Variants in ASXL2 observed in about 807,000 individuals in gnomAD.
ASXL2 encodes ASXL transcriptional regulator 2, also known as putative Polycomb group protein ASXL2.
Under a neutral mutation model 122.0 loss-of-function variants are expected in ASXL2, and 23 were observed. The ratio of observed to expected loss-of-function variants is 0.19; its 90% CI spans 0.14 to 0.27. The LOEUF is 0.27. Among genes scored for constraint, ASXL2 ranks in the 10% least tolerant of loss-of-function variants. The pLI, the probability that ASXL2 is intolerant of heterozygous loss-of-function variation, is 1.00. For synonymous variants in ASXL2, 650 were observed against 637.0 expected (o/e 1.02, Z -0.31); for missense variants, 1,518 against 1,713.8 (o/e 0.89, Z 2.02).
intron 3 of ASXL2, among the ~76,000 whole-genome samples, chr2:25,825,233 A>G (rs1198668470): frequency 1.3e-5 from 2 of 152,238 alleles, no homozygotes; most frequent in African/African-American, 2.4e-5. Flanking sequence ...TCCTACTAAT[A>G]TAACAAGATG....
chr2:25,744,011 T>G lies in ASXL2; in HGVS notation c.2326A>C (p.Thr776Pro), dbSNP rs1574390972. Residue 776 changes from threonine to proline, a missense_variant, in exon 13 of 13, where the codon ACC (threonine) becomes CCC (proline). This residue lies in a region of ASXL2 where 831 missense variants were observed against 833.1 expected (regional missense o/e 1.00). Coordinates refer to ENST00000435504, the MANE Select transcript of ASXL2 (RefSeq NM_018263.6). The surrounding 1 kb of genome is among the most constrained non-coding windows in gnomAD (Gnocchi z 4.7). ...HSVSGAQLQQ[T>P]PPVPPTPAVS... Reference sequence around the variant, plus strand: ...GCAGGTGTTGGAGGCACTGGGGGGGTTTGCTGTAGTTGTGCTCCAGAGACA... The same window carrying G: ...GCAGGTGTTGGAGGCACTGGGGGGGGTTGCTGTAGTTGTGCTCCAGAGACA... 8.1e-6 allele frequency: 13 copies of G among 1,613,036 alleles called. No homozygotes were observed. The highest frequency in any genetic ancestry group is 1.0e-5 in the Non-Finnish European group (12 of 1,179,712).
rs2088009524 is a variant in ASXL2, at chr2:25,749,860, G to A, written c.1696C>T (p.Leu566Phe). Reference protein sequence around the residue: ...ATLVDQSPESLKRKSSLTQEE... With the variant: ...ATLVDQSPESFKRKSSLTQEE... ...TGGGTGAGGGAAGACTTCCTCTTGA[G>A]GCTTTCTGGGCTCTGATCAACAAGA... The change falls in exon 12 of 13, where the codon CTC becomes TTC. Residue 566 changes from leucine to phenylalanine, a missense_variant. By Grantham distance (22) the Leu-to-Phe change is conservative (BLOSUM62 0). Transcript: ENST00000435504. 1 of 1,610,028 alleles carries A rather than the reference G, an allele frequency of 6.2e-7. No individual in the cohort carries two copies. The highest frequency in any genetic ancestry group is 1.7e-5 in the Admixed American group (1 of 59,120).
At position 25,749,904 on chromosome 2, in the gene ASXL2, A is replaced by C. The variant is rs1183886814; in HGVS notation, c.1652T>G (p.Met551Arg). The change falls in exon 12 of 13, where the codon ATG (methionine) becomes AGG (arginine). Residue 551 changes from methionine (M) to arginine (R), a missense_variant. Physicochemically the swap from Met to Arg is moderately conservative, Grantham distance 91. This residue lies in a region of ASXL2 where 292 missense variants were observed against 293.5 expected (regional missense o/e 1.00). Transcript: ENST00000435504. ...TAGAGPQETN[M>R]KEPLATLVDQ... ...AACAAGAGTTGCTAGAGGTTCTTTC[A>C]TATTAGTCTCCTGTGGACCCGCTCC... The C allele has an allele frequency of 6.2e-7, 1 of 1,612,560 alleles. No homozygotes were observed. The highest frequency in any genetic ancestry group is 8.5e-7 in the Non-Finnish European group (1 of 1,179,494).
chr2:25,753,349 C>T (rs895321879), intron 11 of ASXL2, among the ~76,000 whole-genome samples, 185 bp downstream of exon 11: 7 of 150,438 alleles, frequency 4.7e-5, no homozygotes, highest in South Asian at 2.1e-4. Context: ...TCTGTGAACC[C>T]GTGATTCATA....
At chr2:25,843,061 G>A (rs1161324456) in intron 2 of ASXL2, among the ~76,000 whole-genome samples, 1 of 151,376 alleles carries the variant, frequency 6.6e-6, no homozygotes, top group Non-Finnish European at 1.5e-5. Flanking sequence ...AGCACTTTGG[G>A]AGGCCAAGGC....
intron 8 of ASXL2, among the ~76,000 whole-genome samples, chr2:25,762,189 T>G (rs1310998291): frequency 6.6e-6 from 1 of 151,316 alleles, no homozygotes; most frequent in East Asian, 1.9e-4. Flanking sequence ...AGAAGTATGA[T>G]ATATCAATTT....
intron 1 of ASXL2, among the ~76,000 whole-genome samples, chr2:25,854,658 C>G (rs895917200): frequency 1.3e-5 from 2 of 152,122 alleles, no homozygotes; most frequent in Non-Finnish European, 2.9e-5. Context: ...CAGCATATGG[C>G]AAAGGCATGA....
chr2:25,781,292 G>A (rs1267836258), intron 5 of ASXL2, among the ~76,000 whole-genome samples: 2 of 152,078 alleles, frequency 1.3e-5, no homozygotes, highest in Non-Finnish European at 2.9e-5. Flanking sequence ...CCAACACTTT[G>A]GGAGGTCGCA....
chr2:25,793,213 CAG>C (rs1481677951), intron 5 of ASXL2, among the ~76,000 whole-genome samples: 1 of 152,004 alleles, frequency 6.6e-6, no homozygotes. Flanking sequence ...GCCTGGGTGA[CAG>C]AGCAAGTTTC....
At chr2:25,854,660 A>T (rs1014817408) in intron 1 of ASXL2, among the ~76,000 whole-genome samples, 2 of 152,224 alleles carry the variant, frequency 1.3e-5, no homozygotes, top group Non-Finnish European at 2.9e-5. Flanking sequence ...GCATATGGCA[A>T]AGGCATGATA....
chr2:25,843,873 A>G (rs1205916681), intron 2 of ASXL2, among the ~76,000 whole-genome samples: 7 of 152,062 alleles, frequency 4.6e-5, no homozygotes, highest in Non-Finnish European at 1.0e-4. Context: ...TAAAATCTAG[A>G]ACATGCAATG....
intron 10 of ASXL2, among the ~76,000 whole-genome samples, chr2:25,754,703 T>C (rs948978784): frequency 6.6e-6 from 1 of 151,778 alleles, no homozygotes; most frequent in African/African-American, 2.4e-5. Flanking sequence ...ACACTGATAA[T>C]AATAATCGCA....
intron 3 of ASXL2, among the ~76,000 whole-genome samples, chr2:25,820,965 G>A (rs190539699): frequency 1.2e-3 from 178 of 152,158 alleles, no homozygotes; most frequent in Non-Finnish European, 2.3e-3. Context: ...TCAGGAGTTC[G>A]AGACCAGCCT....
At chr2:25,861,860 C>T (rs2149200214) in intron 1 of ASXL2, among the ~76,000 whole-genome samples, 1 of 152,298 alleles carries the variant, frequency 6.6e-6, no homozygotes, top group East Asian at 1.9e-4. Flanking sequence ...ACCCATATCT[C>T]TCATGAACAT....
Position 25,743,419 on chromosome 2 carries a change from G to A in ASXL2, c.2918C>T (p.Thr973Ile), listed in dbSNP as rs1253514790. Residue 973 changes from threonine (T) to isoleucine (I), a missense_variant, in exon 13 of 13, where the codon ACC (threonine) becomes ATC (isoleucine). Physicochemically the swap from Thr to Ile is moderately conservative, Grantham distance 89. Transcript: ENST00000435504. Reference protein sequence around the residue: ...PMEQILPKPLTKVEMKTVPLT... With the variant: ...PMEQILPKPLIKVEMKTVPLT... The stretch of plus-strand genomic sequence containing the variant: ...TGGAACCGTTTTCATTTCAACTTTG[G>A]TGAGAGGTTTAGGCAGAATTTGCTC... 6.2e-7 allele frequency: 1 copy of A among 1,613,856 alleles called. No individual in the cohort carries two copies. Among genetic ancestry groups the A allele is most frequent in the Non-Finnish European group, 8.5e-7 (1 of 1,179,884 alleles).
intron 3 of ASXL2, among the ~76,000 whole-genome samples, chr2:25,816,181 G>A (rs888181267): frequency 2.7e-4 from 41 of 151,626 alleles, no homozygotes; most frequent in South Asian, 4.2e-4. Context: ...TCCAAGAGGC[G>A]GAGGTTTCAG....
intron 1 of ASXL2, among the ~76,000 whole-genome samples, chr2:25,860,055 C>T (rs2089825651): frequency 6.6e-6 from 1 of 152,182 alleles, no homozygotes; most frequent in South Asian, 2.1e-4. Context: ...GGCATGGTGG[C>T]TCACACCTGT....
At position 25,845,516 on chromosome 2, in the gene ASXL2, A is replaced by T; in HGVS notation, c.105T>A (p.Leu35=). The T allele has an allele frequency of 6.6e-7, 1 of 1,510,032 alleles. No individual in the cohort carries two copies. The highest frequency in any genetic ancestry group is 8.9e-7 in the Non-Finnish European group (1 of 1,125,086). The allele number at this position is 1,510,032 out of a possible 1,614,324, so 93.5% of individuals were successfully genotyped here. A position where few individuals can be genotyped will look rare whatever the true frequency, so the allele number is the denominator to read the frequency against. The change falls in exon 2 of 13, where the codon CTT becomes CTA. Residue 35 remains leucine, a synonymous_variant. Coordinates refer to ENST00000435504, the MANE Select transcript of ASXL2 (RefSeq NM_018263.6). ...PNTPMSHKEI[L]QVIQREGLKE... is the part of the protein sequence containing the mutation. ...TTAGTCCTTCTCTCTGGATAACTTG[A>T]AGAATTTCTTTATGACTCATGGGTG...
chr2:25,814,774 T>A (rs1412827461), intron 3 of ASXL2, among the ~76,000 whole-genome samples: 1 of 152,192 alleles, frequency 6.6e-6, no homozygotes, highest in Non-Finnish European at 1.5e-5. Flanking sequence ...CAGAAGTCAA[T>A]CATTGTACTG....
Sources: allele counts gnomAD v4.1 joint callset (sites outside exome capture counted in the v4.1 genomes callset), GRCh38; gene constraint gnomAD v4.1.1; regional missense constraint gnomAD v4.1.1; non-coding constraint Gnocchi (gnomAD v3.1); transcripts MANE v1.5; gene names NCBI Gene and HGNC (gene_info 2026-07-23, HGNC 2026-07-21).